The following KIAA2012 variants were observed in gnomAD, a reference collection of about 807,000 sequenced individuals.
KIAA2012 encodes the protein uncharacterized protein KIAA2012.
In KIAA2012, 125 loss-of-function variants were observed where a neutral mutation model predicts 150.6. The ratio of observed to expected loss-of-function variants is 0.83; its 90% CI spans 0.72 to 0.96. KIAA2012 has a LOEUF of 0.96. KIAA2012 is among the 40% of genes least tolerant of loss of function. The probability of loss-of-function intolerance (pLI) is 0.00; values close to 1 mark genes in which losing one functional copy is unlikely to be tolerated. For missense variants in KIAA2012, 1,219 were observed against 1,354.9 expected (o/e 0.90, Z 1.57); for synonymous variants, 462 against 504.7 (o/e 0.92, Z 1.13).
At chr2:202,162,715 C>G (rs1200645760) in intron 14 of KIAA2012, among the ~76,000 whole-genome samples, 1 of 151,384 alleles carries the variant, frequency 6.6e-6, no homozygotes, top group Non-Finnish European at 1.5e-5. Context: ...GGTGGATCAC[C>G]GGTCAAGAGA....
At chr2:202,077,183 C>T (rs1463848804) in intron 2 of KIAA2012, 2 of 381,750 alleles carry the variant, frequency 5.2e-6, no homozygotes, top group African/African-American at 4.2e-5. Flanking sequence ...ATGTTGCCCC[C>T]CCAGCTGTTT....
At chr2:202,127,187 G>C (rs1249210987) in intron 12 of KIAA2012, among the ~76,000 whole-genome samples, 4 of 151,972 alleles carry the variant, frequency 2.6e-5, no homozygotes, top group South Asian at 4.1e-4. Context: ...CTGTTTACCG[G>C]CTAGCTCTGC....
At chr2:202,199,920 ATTTTTTTTTT>A (rs71025287) in intron 22 of KIAA2012, among the ~76,000 whole-genome samples, 1 of 76,268 alleles carries the variant, frequency 1.3e-5, no homozygotes, top group South Asian at 6.1e-4. Context: ...GCCCCTCATA[ATTTTTTTTTT>A]TTTTTTTTTT....
rs1575031380 is a variant in KIAA2012 at position 202,138,312 on chromosome 2, T to C, written c.1832-120T>C. On this transcript the variant is annotated intron_variant, in intron 12 of 23. Coordinates refer to ENST00000498697, the MANE Select transcript of KIAA2012 (RefSeq NM_001277372.4). ...AAATTATGAATGCCATGGGTGTATA[T>C]GTGCTTATAATCTTACATACATATG... 3.0e-5 allele frequency: 22 copies of C among 737,684 alleles called. No individual in the cohort carries two copies. The East Asian group carries it at 5.7e-4, about 19-fold the overall frequency. The allele number at this position is 737,684 out of a possible 1,614,324, so 45.7% of individuals were successfully genotyped here. A position where few individuals can be genotyped will look rare whatever the true frequency, so the allele number is the denominator to read the frequency against.
At chr2:202,092,378 C>G (rs377043634) in intron 3 of KIAA2012, among the ~76,000 whole-genome samples, 1 of 152,170 alleles carries the variant, frequency 6.6e-6, no homozygotes, top group Non-Finnish European at 1.5e-5. Flanking sequence ...TTTCTTTACA[C>G]CCCTATGATT....
At chr2:202,103,378 A>G (rs545457714) in intron 8 of KIAA2012, among the ~76,000 whole-genome samples, 36 of 152,348 alleles carry the variant, frequency 2.4e-4, no homozygotes, top group Admixed American at 8.5e-4. Flanking sequence ...GTATTTACAT[A>G]AGTAAGTCCA....
intron 9 of KIAA2012, among the ~76,000 whole-genome samples, chr2:202,108,027 A>C (rs1389498713): frequency 1.3e-5 from 2 of 152,058 alleles, no homozygotes; most frequent in Non-Finnish European, 2.9e-5. Flanking sequence ...CAGCAACAAC[A>C]ACAACAACAA....
chr2:202,166,745 A>G (rs974536473), intron 15 of KIAA2012, among the ~76,000 whole-genome samples: 2 of 152,030 alleles, frequency 1.3e-5, no homozygotes, highest in African/African-American at 2.4e-5. Flanking sequence ...CCTACTCTAA[A>G]TTAAGTTGTG....
chr2:202,170,932 A>T (rs1038088211), intron 15 of KIAA2012, among the ~76,000 whole-genome samples: 1 of 152,190 alleles, frequency 6.6e-6, no homozygotes, highest in African/African-American at 2.4e-5. Context: ...AGATGAGACA[A>T]TTGAGGCACA....
intron 13 of KIAA2012, among the ~76,000 whole-genome samples, chr2:202,145,609 A>G (rs1212885568): frequency 6.6e-6 from 1 of 150,924 alleles, no homozygotes; most frequent in Non-Finnish European, 1.5e-5. Context: ...ATGTAAAAGG[A>G]TAGTATGATG....
At chr2:202,177,796 T>C (rs1330814338) in intron 15 of KIAA2012, among the ~76,000 whole-genome samples, 2 of 152,206 alleles carry the variant, frequency 1.3e-5, no homozygotes, top group Non-Finnish European at 2.9e-5. Context: ...TGAATATTGA[T>C]TGAGTTTCCA....
chr2:202,076,485 C>G (rs1689326580), intron 2 of KIAA2012, among the ~76,000 whole-genome samples: 1 of 152,014 alleles, frequency 6.6e-6, no homozygotes. Flanking sequence ...ACTGAATGCC[C>G]AATGCTCTTT....
chr2:202,175,339 G>T (rs1471193162), intron 15 of KIAA2012, among the ~76,000 whole-genome samples: 1 of 152,140 alleles, frequency 6.6e-6, no homozygotes, highest in African/African-American at 2.4e-5. Flanking sequence ...TCCCCAACAG[G>T]GTTTTTGGCA....
intron 15 of KIAA2012, among the ~76,000 whole-genome samples, chr2:202,182,872 G>C (rs955979330): frequency 3.9e-5 from 6 of 152,122 alleles, no homozygotes; most frequent in Admixed American, 3.9e-4. Flanking sequence ...GTAGTTATGA[G>C]TTGACTGTGG....
intron 23 of KIAA2012, among the ~76,000 whole-genome samples, chr2:202,203,792 C>CACAGG: frequency 6.8e-6 from 1 of 146,088 alleles, no homozygotes; most frequent in African/African-American, 2.5e-5. Context: ...TTTTTTGAGA[C>CACAGG]GGAGTCTCGC....
Position 202,196,923 on chromosome 2 carries a change from A to C in KIAA2012, c.3311A>C (p.Lys1104Thr), listed in dbSNP as rs1370079762. 1 of 1,550,730 alleles carries C rather than the reference A, an allele frequency of 6.4e-7. No individual in the cohort carries two copies. The highest frequency in any genetic ancestry group is 1.2e-5 in the South Asian group (1 of 84,060). The change falls in exon 22 of 24, where the codon AAG becomes ACG. Residue 1104 changes from lysine to threonine, a missense_variant. Transcript: ENST00000498697. ...YQRRKQEAEE[K>T]ARLEAEERRQ... The stretch of plus-strand genomic sequence containing the variant: ...CGGCGGAAACAGGAAGCAGAAGAGA[A>C]GGCTCGGCTGGAGGCAGAGGAGAGG...
At chr2:202,129,507 A>G (rs1447861660) in intron 12 of KIAA2012, among the ~76,000 whole-genome samples, 2 of 152,110 alleles carry the variant, frequency 1.3e-5, no homozygotes. Flanking sequence ...GGCATGAGCC[A>G]CCACGCCTGG....
chr2:202,127,546 G>A (rs961969511), intron 12 of KIAA2012, among the ~76,000 whole-genome samples: 2 of 152,188 alleles, frequency 1.3e-5, no homozygotes, highest in East Asian at 3.8e-4. Flanking sequence ...CAGCTGCATG[G>A]AGAAGGGGAC....
chr2:202,100,024 C>T (rs1052251708), intron 6 of KIAA2012, among the ~76,000 whole-genome samples: 1 of 152,202 alleles, frequency 6.6e-6, no homozygotes, highest in Admixed American at 6.5e-5. Flanking sequence ...GTTACCCCCA[C>T]TTACAGTTGT....
Sources: allele counts gnomAD v4.1 joint callset (sites outside exome capture counted in the v4.1 genomes callset), GRCh38; gene constraint gnomAD v4.1.1; transcripts MANE v1.5; gene names NCBI Gene and HGNC (gene_info 2026-07-23, HGNC 2026-07-21).